The following NFIB variants were observed in gnomAD, a reference collection of about 807,000 sequenced individuals.
NFIB encodes nuclear factor I B.
NFIB carries 11 observed loss-of-function variants against 61.5 expected under a neutral mutation model. The observed-to-expected ratio is 0.18, with a 90% CI of 0.11 to 0.30. NFIB has a LOEUF of 0.30. NFIB is among the 10% of genes least tolerant of loss of function. The pLI is 1.00. For missense variants in NFIB, 471 were observed against 608.9 expected (o/e 0.77, Z 2.38); for synonymous variants, 260 against 216.5 (o/e 1.20, Z -1.76).
chr9:14,469,060 A>G, the NFIB span, among the ~76,000 whole-genome samples: 701 of 152,280 alleles, frequency 4.6e-3, 9 homozygotes, highest in African/African-American at 0.016. Context: ...CACACACTTC[A>G]GGTAGAACAC....
chr9:14,403,631 A>G (rs952379301), upstream of NFIB, among the ~76,000 whole-genome samples: 1 of 152,154 alleles, frequency 6.6e-6, no homozygotes, highest in African/African-American at 2.4e-5. Context: ...GAGACATGGT[A>G]ATGCATGCCA....
At chr9:14,421,943 A>AT in the NFIB span, among the ~76,000 whole-genome samples, 4 of 151,962 alleles carry the variant, frequency 2.6e-5, no homozygotes, top group African/African-American at 7.3e-5. Flanking sequence ...CTTGAGGGCT[A>AT]TTTTTTTCAC....
intron 1 of NFIB, chr9:14,398,462 G>A (rs2061709665): frequency 4.9e-6 from 6 of 1,216,428 alleles, no homozygotes; most frequent in Non-Finnish European, 6.9e-6. Context: ...GAGACACATT[G>A]TCTAAGAAGT....
At chr9:14,309,432 T>C (rs1048851672) in intron 1 of NFIB, among the ~76,000 whole-genome samples, 1 of 152,228 alleles carries the variant, frequency 6.6e-6, no homozygotes, top group African/African-American at 2.4e-5. Flanking sequence ...ATCAAAATTT[T>C]ATAACAATAC....
chr9:14,389,879 G>C (rs1166418803), intron 1 of NFIB, among the ~76,000 whole-genome samples: 1 of 152,176 alleles, frequency 6.6e-6, no homozygotes, highest in Non-Finnish European at 1.5e-5. Flanking sequence ...TAGAATCAAA[G>C]AAATGTGACA....
chr9:14,413,532 C>A, the NFIB span, among the ~76,000 whole-genome samples: 3 of 152,194 alleles, frequency 2.0e-5, no homozygotes, highest in Non-Finnish European at 2.9e-5. Context: ...GGTTTTTTAT[C>A]TGTAAAGTGA....
intron 1 of NFIB, among the ~76,000 whole-genome samples, chr9:14,372,420 C>T (rs543569220): frequency 3.9e-5 from 6 of 152,266 alleles, no homozygotes; most frequent in East Asian, 1.9e-4. Flanking sequence ...AACCACTGAT[C>T]GAAATAATAA....
the NFIB span, among the ~76,000 whole-genome samples, chr9:14,519,121 C>T: frequency 6.6e-6 from 1 of 152,172 alleles, no homozygotes; most frequent in African/African-American, 2.4e-5. Context: ...CTGTGAAAAG[C>T]GGGACTGGCT....
the NFIB span, among the ~76,000 whole-genome samples, chr9:14,434,708 G>A: frequency 2.6e-5 from 4 of 152,228 alleles, no homozygotes; most frequent in African/African-American, 9.6e-5. Context: ...TTCTATGCTA[G>A]ATAAGTTTCA....
At chr9:14,511,043 C>A in the NFIB span, among the ~76,000 whole-genome samples, 2 of 152,148 alleles carry the variant, frequency 1.3e-5, no homozygotes, top group Non-Finnish European at 2.9e-5. Flanking sequence ...GAGGTTGAGG[C>A]TAAAAGATTT....
chr9:14,237,945 C>T (rs1271915227), intron 2 of NFIB, among the ~76,000 whole-genome samples: 1 of 150,250 alleles, frequency 6.7e-6, no homozygotes, highest in Non-Finnish European at 1.5e-5. Context: ...AGTCCTAACC[C>T]ACATGAGGCT....
intron 2 of NFIB, among the ~76,000 whole-genome samples, chr9:14,295,544 T>G (rs1441794366): frequency 6.6e-6 from 1 of 151,868 alleles, no homozygotes; most frequent in African/African-American, 2.4e-5. Flanking sequence ...GGCAGGAGAA[T>G]GGCGTGAACC....
chr9:14,183,455 G>A (rs918955202), intron 2 of NFIB, among the ~76,000 whole-genome samples: 6 of 151,176 alleles, frequency 4.0e-5, no homozygotes, highest in Non-Finnish European at 8.8e-5. Context: ...CCAGGCTAGA[G>A]TGCAGTAGCA....
At chr9:14,508,561 C>G in the NFIB span, among the ~76,000 whole-genome samples, 9 of 152,196 alleles carry the variant, frequency 5.9e-5, no homozygotes, top group African/African-American at 2.2e-4. Flanking sequence ...GACATAAAGT[C>G]CAGGAACCAC....
chr9:14,449,137 G>C, the NFIB span, among the ~76,000 whole-genome samples: 2 of 152,198 alleles, frequency 1.3e-5, no homozygotes, highest in East Asian at 3.8e-4. Context: ...ATATAATACT[G>C]TATCATTACT....
At chr9:14,258,177 A>G (rs1486294634) in intron 2 of NFIB, among the ~76,000 whole-genome samples, 1 of 152,204 alleles carries the variant, frequency 6.6e-6, no homozygotes. Flanking sequence ...ATTCATTCAG[A>G]TCTACCACAG....
chr9:14,312,712 A>G (rs1564000738), intron 1 of NFIB, among the ~76,000 whole-genome samples: 1 of 152,180 alleles, frequency 6.6e-6, no homozygotes, highest in Non-Finnish European at 1.5e-5. Context: ...AGTCGAAAAA[A>G]ATGACCTTAC....
At chr9:14,151,266 T>C (rs181171000) in intron 4 of NFIB, among the ~76,000 whole-genome samples, 12 of 152,240 alleles carry the variant, frequency 7.9e-5, no homozygotes, top group Admixed American at 6.5e-4. Flanking sequence ...CCTGGTAGAC[T>C]GGAATGGTTA....
At chr9:14,218,578 A>G (rs1229328238) in intron 2 of NFIB, among the ~76,000 whole-genome samples, 2 of 152,214 alleles carry the variant, frequency 1.3e-5, no homozygotes, top group South Asian at 2.1e-4. Context: ...ATGTCACCCA[A>G]TCAATGAACA....
Sources: gnomAD v4.1 joint callset for allele counts (sites outside exome capture counted in the v4.1 genomes callset) on GRCh38, gnomAD v4.1.1 for gene constraint, MANE v1.5 for transcripts, NCBI Gene and HGNC (gene_info 2026-07-23, HGNC 2026-07-21) for gene names.